Variants in OTOGL observed in about 807,000 individuals in gnomAD.
OTOGL encodes otogelin like.
OTOGL carries 285 observed loss-of-function variants against 318.5 expected under a neutral mutation model. That is an observed-to-expected ratio of 0.89 (90% CI 0.81 to 0.99). OTOGL has a LOEUF of 0.99. Ranked by LOEUF, OTOGL falls within the 50% of genes least tolerant of loss-of-function variation. OTOGL has a pLI of 0.00. For synonymous variants in OTOGL, 987 were observed against 936.5 expected (o/e 1.05, Z -0.99); for missense variants, 2,899 against 2,845.6 (o/e 1.02, Z -0.43).
At chr12:80,257,521 C>G (rs1882162560) in intron 17 of OTOGL, among the ~76,000 whole-genome samples, 1 of 152,054 alleles carries the variant, frequency 6.6e-6, no homozygotes, top group African/African-American at 2.4e-5. Flanking sequence ...TAATGGATTT[C>G]AAATGTCTAA....
chr12:80,355,222 TTCTTTTC>T (rs1275362505), intron 46 of OTOGL, among the ~76,000 whole-genome samples: 196 of 55,214 alleles, frequency 3.5e-3, no homozygotes, highest in Middle Eastern at 0.026. Context: ...CTTTCTTTCT[TTCTTTTC>T]TTTTTTTTTT....
chr12:80,194,036 C>G (rs1875877893), intron 1 of OTOGL, among the ~76,000 whole-genome samples: 1 of 152,124 alleles, frequency 6.6e-6, no homozygotes, highest in Non-Finnish European at 1.5e-5. Context: ...CTGCCTCTGA[C>G]TAACAACACT....
Position 80,259,353 on chromosome 12 carries a change from T to A in OTOGL, c.1889+1351T>A, listed in dbSNP as rs948147292. On this transcript the variant is annotated intron_variant, in intron 18 of 58. Coordinates refer to ENST00000547103, the MANE Select transcript of OTOGL (RefSeq NM_001378609.3). ...GTTTCATTTCTTTTTTAAAACATTTTATTTAATTTATTATTATTATTTTTA... is the reference window on the plus strand; with the variant it reads ...GTTTCATTTCTTTTTTAAAACATTTAATTTAATTTATTATTATTATTTTTA... Among the ~76,000 whole-genome samples the A allele has an allele frequency of 4.0e-5, 6 of 151,624 alleles. No individual in the cohort carries two copies. The South Asian group carries it at 1.0e-3, about 26-fold the overall frequency.
Position 80,378,316 on chromosome 12 carries a change from G to A in OTOGL, c.*268G>A. Reference sequence around the variant, plus strand: ...ATGTATTTAATTACAACTTGGTGCAGATACAGTATATTCTCATCAACTGGA... The same window carrying A: ...ATGTATTTAATTACAACTTGGTGCAAATACAGTATATTCTCATCAACTGGA... On this transcript the variant is annotated 3_prime_UTR_variant, in exon 59 of 59. Coordinates refer to ENST00000547103, the MANE Select transcript of OTOGL (RefSeq NM_001378609.3). 2 of 332,082 alleles carry A rather than the reference G, an allele frequency of 6.0e-6. No individual in the cohort carries two copies. Among genetic ancestry groups the A allele is most frequent in the East Asian group, 1.2e-4 (2 of 16,826 alleles). 20.6% of individuals were successfully genotyped at this position (332,082 alleles called of 1,614,324 possible).
chr12:80,192,405 T>C lies in OTOGL; in HGVS notation c.-19-17008T>C, dbSNP rs75954219. Among the ~76,000 whole-genome samples the C allele has an allele frequency of 5.5e-3, 842 of 152,354 alleles. 10 individuals are homozygous for C. The highest frequency in any genetic ancestry group is 0.019 in the African/African-American group (794 of 41,580). Reference sequence around the variant, plus strand: ...ACCCCTCCTCCCCATGGAATTCTCTTCCAGCTTCTTATTCCTAGCCCCCTT... The same window carrying C: ...ACCCCTCCTCCCCATGGAATTCTCTCCCAGCTTCTTATTCCTAGCCCCCTT... On this transcript the variant is annotated intron_variant, in intron 1 of 58. Transcript: ENST00000547103.
chr12:80,274,296 C>T (rs111782612), intron 24 of OTOGL, among the ~76,000 whole-genome samples: 225 of 152,136 alleles, frequency 1.5e-3, no homozygotes, highest in African/African-American at 5.0e-3. Context: ...AGTGAACCCA[C>T]AAGTGGTAAG....
intron 29 of OTOGL, among the ~76,000 whole-genome samples, chr12:80,307,336 C>T (rs1426614510): frequency 1.3e-5 from 2 of 151,882 alleles, no homozygotes; most frequent in Non-Finnish European, 1.5e-5. Flanking sequence ...ACCTCCCAGA[C>T]GGGGTGGTGG....
chr12:80,163,628 G>A (rs1873661299), intron 1 of OTOGL, among the ~76,000 whole-genome samples: 1 of 152,118 alleles, frequency 6.6e-6, no homozygotes, highest in Admixed American at 6.6e-5. Flanking sequence ...GCTCAGCTGG[G>A]TGACTGTTAA....
chr12:80,213,800 C>T (rs547911749), intron 4 of OTOGL, among the ~76,000 whole-genome samples: 26 of 152,188 alleles, frequency 1.7e-4, no homozygotes, highest in East Asian at 3.9e-4. Flanking sequence ...AAAAGAAGAG[C>T]GGGCAATGAG....
At position 80,377,895 on chromosome 12, in the gene OTOGL, T is replaced by C. The variant is rs1268857798; in HGVS notation, c.6909T>C (p.Tyr2303=). ...GCAAATGCCCATCAGCTACCATATA[T>C]AACATCAATATTGAAAGTCACCTAA... ...CDGKCPSATI[Y]NINIESHLRF... is the part of the protein sequence containing the mutation. The change falls in exon 59 of 59, where the codon TAT becomes TAC. Residue 2303 remains tyrosine (Y), a synonymous_variant. Coordinates refer to ENST00000547103, the MANE Select transcript of OTOGL (RefSeq NM_001378609.3). 7 of 1,611,678 alleles carry C rather than the reference T, an allele frequency of 4.3e-6. No individual in the cohort carries two copies. In the African/African-American group the frequency reaches 9.4e-5, roughly 22 times the overall value.
rs898027568 is a variant in OTOGL, at chr12:80,336,214, C to G, written c.4600+74C>G. 2.1e-6 allele frequency: 3 copies of G among 1,409,674 alleles called. No homozygotes were observed. In the East Asian group the frequency reaches 7.5e-5, roughly 35 times the overall value. 87.3% of individuals were successfully genotyped at this position (1,409,674 alleles called of 1,614,324 possible). On this transcript the variant is annotated intron_variant, in intron 39 of 58. Transcript: ENST00000547103. ...TGGAGAGATTGTTACTTTTTTGAACCTTTCACCTCATCAAGCCAAAGTTAC... is the reference window on the plus strand; with the variant it reads ...TGGAGAGATTGTTACTTTTTTGAACGTTTCACCTCATCAAGCCAAAGTTAC...
intron 1 of OTOGL, among the ~76,000 whole-genome samples, chr12:80,160,404 A>G (rs892233866): frequency 1.3e-5 from 2 of 152,122 alleles, no homozygotes; most frequent in African/African-American, 4.8e-5. Flanking sequence ...GAAAAAAACA[A>G]TCCCATCAAA....
chr12:80,260,308 C>T (rs917723225), intron 18 of OTOGL, among the ~76,000 whole-genome samples: 1 of 152,048 alleles, frequency 6.6e-6, no homozygotes, highest in Non-Finnish European at 1.5e-5. Context: ...GATATCTTCA[C>T]CACACTTGAG....
At position 80,333,027 on chromosome 12, in the gene OTOGL, A is replaced by G; in HGVS notation, c.4371A>G (p.Ser1457=). The change falls in exon 38 of 59, where the codon TCA becomes TCG. Residue 1457 remains serine, a synonymous_variant. Coordinates refer to ENST00000547103, the MANE Select transcript of OTOGL (RefSeq NM_001378609.3). ...CAGTTTGGGAAATGATTACTCCATC[A>G]GACATCACTGTGTTTGATATGCTAA... ...MFTVWEMITP[S]DITVFDMLTP... is the part of the protein sequence containing the mutation. 6.2e-7 allele frequency: 1 copy of G among 1,600,476 alleles called. No individual in the cohort carries two copies.
At chr12:80,311,269 G>T (rs1270699913) in intron 30 of OTOGL, among the ~76,000 whole-genome samples, 1 of 152,194 alleles carries the variant, frequency 6.6e-6, no homozygotes, top group Non-Finnish European at 1.5e-5. Flanking sequence ...TGCATACAAA[G>T]CTATGCCAGT....
Position 80,178,781 on chromosome 12 carries a change from G to C in OTOGL, c.-19-30632G>C, listed in dbSNP as rs974759460. 5.3e-5 allele frequency among the ~76,000 whole-genome samples: 8 copies of C among 152,194 alleles called. 1 individual carries two copies. The highest frequency in any genetic ancestry group is 9.6e-5 in the African/African-American group (4 of 41,452). ...GGTCTCTGGTACCCTAACTACCAGA[G>C]CCAGAAGGAATATTTAACTTTATAA... On this transcript the variant is annotated intron_variant, in intron 1 of 58. Transcript: ENST00000547103.
intron 1 of OTOGL, among the ~76,000 whole-genome samples, chr12:80,196,899 T>C: frequency 6.6e-6 from 1 of 152,066 alleles, no homozygotes; most frequent in East Asian, 1.9e-4. Context: ...AAGGGGGTGG[T>C]CGGACATGCC....
In OTOGL at chr12:80,260,671, T is replaced by C. The variant is rs768112647; in HGVS notation, c.1890-1298T>C. Among the ~76,000 whole-genome samples the C allele has an allele frequency of 2.0e-5, 3 of 152,162 alleles. No individual in the cohort carries two copies. In the East Asian group the frequency reaches 5.8e-4, roughly 29 times the overall value. On this transcript the variant is annotated intron_variant, in intron 18 of 58. Coordinates refer to ENST00000547103, the MANE Select transcript of OTOGL (RefSeq NM_001378609.3). ...ATGCCTTATTATAATAAGTTGACTATGGTGAGCTGAAACGTTATTTTATAA... is the reference window on the plus strand; with the variant it reads ...ATGCCTTATTATAATAAGTTGACTACGGTGAGCTGAAACGTTATTTTATAA...
intron 1 of OTOGL, among the ~76,000 whole-genome samples, chr12:80,152,065 C>G (rs1872818393): frequency 6.6e-6 from 1 of 152,084 alleles, no homozygotes; most frequent in Non-Finnish European, 1.5e-5. Context: ...CAATTGAGAA[C>G]AGTACATTCC....
Sources: allele counts gnomAD v4.1 joint callset (sites outside exome capture counted in the v4.1 genomes callset), GRCh38; gene constraint gnomAD v4.1.1; transcripts MANE v1.5; gene names NCBI Gene and HGNC (gene_info 2026-07-23, HGNC 2026-07-21).